Variants in COMMD8 observed in about 807,000 individuals in gnomAD.
COMMD8 encodes COMM domain containing 8.
A neutral mutation model predicts 27.2 loss-of-function variants in COMMD8; 28 were observed. That is an observed-to-expected ratio of 1.03 (90% confidence interval 0.76 to 1.41). The LOEUF (loss-of-function observed/expected upper bound fraction) is 1.41, where lower values mean the gene tolerates loss of function less well. Among genes scored for constraint, COMMD8 ranks in the 40% most tolerant of loss-of-function variants. The pLI is 0.00. For missense variants in COMMD8, 217 were observed against 211.2 expected (o/e 1.03, Z -0.17); for synonymous variants, 79 against 75.5 (o/e 1.05, Z -0.24).
chr4:47,457,162 A>G (rs767326941), intron 2 of COMMD8, among the ~76,000 whole-genome samples: 3 of 152,230 alleles, frequency 2.0e-5, no homozygotes, highest in Admixed American at 6.5e-5. Flanking sequence ...GAAATCCAAA[A>G]CACTTCTGGT....
chr4:47,459,623 C>T (rs1332912328), intron 2 of COMMD8, among the ~76,000 whole-genome samples: 7 of 152,214 alleles, frequency 4.6e-5, no homozygotes, highest in Admixed American at 6.5e-5. Context: ...AAACACAATG[C>T]TGCATTTAAA....
intron 1 of COMMD8, among the ~76,000 whole-genome samples, chr4:47,461,283 AT>A (rs1304073927): frequency 1.3e-5 from 2 of 152,208 alleles, no homozygotes; most frequent in Non-Finnish European, 2.9e-5. Context: ...TCTTGAAGTT[AT>A]TTGTATCTTA....
chr4:47,454,622 T>C (rs1729837245), intron 3 of COMMD8, among the ~76,000 whole-genome samples: 1 of 152,000 alleles, frequency 6.6e-6, no homozygotes. Flanking sequence ...TCCCAGCACT[T>C]TGGGAGGCTG....
chr4:47,454,880 A>C (rs1227111207), intron 3 of COMMD8, among the ~76,000 whole-genome samples: 1 of 151,624 alleles, frequency 6.6e-6, no homozygotes, highest in Admixed American at 6.6e-5. Flanking sequence ...AAAAAAAAAA[A>C]AAAAAAACAG....
At position 47,456,557 on chromosome 4, in the gene COMMD8, A is replaced by G. The variant is rs1241592214; in HGVS notation, c.375+20T>C. On this transcript the variant is annotated intron_variant, in intron 3 of 4. Coordinates refer to ENST00000381571, the MANE Select transcript of COMMD8 (RefSeq NM_017845.5). ...ATCCAAAAAATGAAATAAAAAATACACATACTCATAGACTCTTACCTTTAC... is the reference window on the plus strand; with the variant it reads ...ATCCAAAAAATGAAATAAAAAATACGCATACTCATAGACTCTTACCTTTAC... 6.5e-7 allele frequency: 1 copy of G among 1,530,106 alleles called. No individual in the cohort carries two copies. Among genetic ancestry groups the G allele is most frequent in the Non-Finnish European group, 8.7e-7 (1 of 1,144,556 alleles). 94.8% of individuals were successfully genotyped at this position (1,530,106 alleles called of 1,614,324 possible). A position where few individuals can be genotyped will look rare whatever the true frequency, so the allele number is the denominator to read the frequency against.
At chr4:47,454,985 T>C (rs1260399530) in intron 3 of COMMD8, among the ~76,000 whole-genome samples, 1 of 151,906 alleles carries the variant, frequency 6.6e-6, no homozygotes, top group Non-Finnish European at 1.5e-5. Flanking sequence ...TCATATATGC[T>C]ACTATTAACA....
At position 47,451,675 on chromosome 4, in the gene COMMD8, CA is replaced by C; in HGVS notation, c.532-11del. 6.4e-7 allele frequency: 1 copy of C among 1,565,938 alleles called. No individual in the cohort carries two copies. Among genetic ancestry groups the C allele is most frequent in the Non-Finnish European group, 8.6e-7 (1 of 1,160,370 alleles). On this transcript the variant is annotated splice_polypyrimidine_tract_variant and intron_variant, in intron 4 of 4. Coordinates refer to ENST00000381571, the MANE Select transcript of COMMD8 (RefSeq NM_017845.5). ...TCAACTGCAGGACCACCTTAAAACA[CA>C]AATTGAAGAGAAAATATCAGGTTAT...
In COMMD8 at chr4:47,460,159, G is replaced by A. The variant is rs747098177; in HGVS notation, c.207C>T (p.Asn69=). Residue 69 remains asparagine (N), a synonymous_variant, in exon 2 of 5, where the codon AAC becomes AAT. Transcript: ENST00000381571. The part of the protein sequence containing the change: ...AKFFKAIVGK[N]LPDEEIFQQL... Reference sequence around the variant, plus strand: ...GAGAAGTTACCTCTTCATCAGGTAAGTTTTTACCAACTATGGCTTTGAAAA... The same window carrying A: ...GAGAAGTTACCTCTTCATCAGGTAAATTTTTACCAACTATGGCTTTGAAAA... 9 of 1,613,082 alleles carry A rather than the reference G, an allele frequency of 5.6e-6. No individual in the cohort carries two copies. The African/African-American group carries it at 1.2e-4, about 22-fold the overall frequency.
At chr4:47,453,238 A>C (rs1351403377) in intron 3 of COMMD8, 24 bp from the exon 4 acceptor site, 19 of 1,599,076 alleles carry the variant, frequency 1.2e-5, no homozygotes, top group Non-Finnish European at 1.6e-5. Context: ...GAAAAATAGC[A>C]ATTAATAAAT....
At position 47,453,086 on chromosome 4, in the gene COMMD8, T is replaced by C; in HGVS notation, c.504A>G (p.Leu168=). ...IEMSREELQN[L]IQSLEAANKV... ...TATTCGCTGCTTCCAAGGACTGTAT[T>C]AGATTCTGCAGCTCCTCTCTACTCA... The change falls in exon 4 of 5, where the codon CTA becomes CTG. Residue 168 remains leucine (L), a synonymous_variant. Coordinates refer to ENST00000381571, the MANE Select transcript of COMMD8 (RefSeq NM_017845.5). 1.9e-6 allele frequency: 3 copies of C among 1,613,544 alleles called. No homozygotes were observed. Among genetic ancestry groups the C allele is most frequent in the Non-Finnish European group, 1.7e-6 (2 of 1,179,670 alleles).
rs376327542 is a variant in COMMD8 at position 47,463,666 on chromosome 4, G to T, written c.-15C>A. On this transcript the variant is annotated 5_prime_UTR_variant, in exon 1 of 5. Transcript: ENST00000381571. ...TCCGGCTCCATCCCTGCGCGAAGCT[G>T]GGGCTTGGGTCACGTGTCAAGGCTG... is the stretch of plus-strand genomic sequence containing the variant. The T allele has an allele frequency of 7.8e-5, 120 of 1,546,716 alleles. No homozygotes were observed. The African/African-American group carries it at 1.5e-3, about 19-fold the overall frequency.
chr4:47,460,384 G>C, intron 1 of COMMD8, 85 bp from the exon 2 acceptor site: 2 of 1,138,134 alleles, frequency 1.8e-6, no homozygotes, highest in Non-Finnish European at 2.5e-6. Flanking sequence ...AATGTTGGGA[G>C]ATGTTCATGT....
intron 2 of COMMD8, among the ~76,000 whole-genome samples, chr4:47,457,246 T>G (rs1183833048): frequency 6.6e-6 from 1 of 152,126 alleles, no homozygotes; most frequent in African/African-American, 2.4e-5. Context: ...GCAAGAAGCA[T>G]TACAAGAAAT....
chr4:47,452,584 A>G (rs1031715395), intron 4 of COMMD8, among the ~76,000 whole-genome samples: 3 of 152,234 alleles, frequency 2.0e-5, no homozygotes, highest in African/African-American at 2.4e-5. Flanking sequence ...GTTATAATTA[A>G]TATCTAAAAC....
chr4:47,453,226 C>A lies in COMMD8; in HGVS notation c.376-12G>T. 1 of 1,607,518 alleles carries A rather than the reference C, an allele frequency of 6.2e-7. No individual in the cohort carries two copies. The highest frequency in any genetic ancestry group is 8.5e-7 in the Non-Finnish European group (1 of 1,177,050). ...CTGGAAAGTGCAAGCTGTTTAAAAT[C>A]AGAAAAATAGCAATTAATAAATAGT... On this transcript the variant is annotated splice_polypyrimidine_tract_variant and intron_variant, in intron 3 of 4. Transcript: ENST00000381571.
chr4:47,460,343 T>G, intron 1 of COMMD8, 44 bp from the exon 2 acceptor site: 3 of 1,521,086 alleles, frequency 2.0e-6, no homozygotes, highest in Non-Finnish European at 2.7e-6. Flanking sequence ...AGTAAAATGA[T>G]GAAACAAATT....
chr4:47,455,339 A>G (rs1729860820), intron 3 of COMMD8, among the ~76,000 whole-genome samples: 1 of 152,032 alleles, frequency 6.6e-6, no homozygotes, highest in African/African-American at 2.4e-5. Flanking sequence ...ATATTTATAA[A>G]AATATAAACT....
chr4:47,460,303 G>C lies in COMMD8; in HGVS notation c.67-4C>G. The C allele has an allele frequency of 6.2e-7, 1 of 1,605,480 alleles. No homozygotes were observed. Among genetic ancestry groups the C allele is most frequent in the Non-Finnish European group, 8.5e-7 (1 of 1,176,812 alleles). On this transcript the variant is annotated splice_region_variant and splice_polypyrimidine_tract_variant and intron_variant, in intron 1 of 4. Coordinates refer to ENST00000381571, the MANE Select transcript of COMMD8 (RefSeq NM_017845.5). The stretch of plus-strand genomic sequence containing the variant: ...CATCAATTATTTTGTGAAGAAGCTA[G>C]CAAGAAAAAAGGAAATAAATGTACT...
intron 4 of COMMD8, among the ~76,000 whole-genome samples, chr4:47,451,932 T>C (rs1015187441): frequency 6.6e-6 from 1 of 152,184 alleles, no homozygotes; most frequent in Non-Finnish European, 1.5e-5. Flanking sequence ...TTAATAGGCA[T>C]GTGGACCGGT....
Sources: gnomAD v4.1 joint callset for allele counts (sites outside exome capture counted in the v4.1 genomes callset) on GRCh38, gnomAD v4.1.1 for gene constraint, MANE v1.5 for transcripts, NCBI Gene and HGNC (gene_info 2026-07-23, HGNC 2026-07-21) for gene names.